The following L3HYPDH variants were observed in gnomAD, a reference collection of about 807,000 sequenced individuals.
L3HYPDH encodes the protein trans-3-hydroxy-L-proline dehydratase.
Under a neutral mutation model 26.5 loss-of-function variants are expected in L3HYPDH, and 32 were observed. The observed-to-expected ratio is 1.21, with a 90% CI of 0.91 to 1.62. The LOEUF (loss-of-function observed/expected upper bound fraction) is 1.62. Ranked by LOEUF, L3HYPDH falls within the 40% of genes most tolerant of loss-of-function variation. The pLI, the probability that L3HYPDH is intolerant of heterozygous loss-of-function variation, is 0.00. For synonymous variants in L3HYPDH, 215 were observed against 196.6 expected (o/e 1.09, Z -0.78); for missense variants, 554 against 476.4 (o/e 1.16, Z -1.52).
upstream of L3HYPDH, chr14:59,484,983 A>G: frequency 6.4e-7 from 1 of 1,573,504 alleles, no homozygotes; most frequent in Non-Finnish European, 8.5e-7. Flanking sequence ...TTCAACCTCA[A>G]ACGTAGATTT....
the L3HYPDH span, chr14:59,498,925 A>C: frequency 2.7e-6 from 4 of 1,474,472 alleles, no homozygotes; most frequent in Non-Finnish European, 3.7e-6. Context: ...TTGATGGGTA[A>C]AGTCAATGAA....
At chr14:59,480,914 G>A (rs1402282473) in intron 1 of L3HYPDH, among the ~76,000 whole-genome samples, 1 of 152,260 alleles carries the variant, frequency 6.6e-6, no homozygotes, top group Admixed American at 6.5e-5. Context: ...GTGAAGATCA[G>A]CACTTACCAG....
At chr14:59,496,107 T>C in the L3HYPDH span, among the ~76,000 whole-genome samples, 25 of 152,300 alleles carry the variant, frequency 1.6e-4, no homozygotes, top group South Asian at 5.2e-3. Context: ...GGTTTTGCCA[T>C]GTTGGCCAGG....
At chr14:59,502,750 A>ATTTTTGTTTTTTTTTTTTTGTTTTTG in the L3HYPDH span, among the ~76,000 whole-genome samples, 1 of 4,918 alleles carries the variant, frequency 2.0e-4, no homozygotes, top group African/African-American at 3.4e-4. Context: ...ATAAAATGAG[A>ATTTTTGTTTTTTTTTTTTTGTTTTTG]TTTTTTTTTT....
chr14:59,471,791 T>C (rs1473984494), downstream of L3HYPDH, among the ~76,000 whole-genome samples: 1 of 152,220 alleles, frequency 6.6e-6, no homozygotes, highest in African/African-American at 2.4e-5. Flanking sequence ...TTAAAAAGTA[T>C]AGCAAATCTG....
At chr14:59,484,977 AC>A, upstream of L3HYPDH, 1 of 1,565,970 alleles carries the variant, frequency 6.4e-7, no homozygotes. Context: ...TACTGCTTCA[AC>A]CTCAAACGTA....
downstream of L3HYPDH, among the ~76,000 whole-genome samples, chr14:59,472,069 T>C (rs1432581212): frequency 6.6e-6 from 1 of 152,204 alleles, no homozygotes; most frequent in Admixed American, 6.5e-5. Context: ...TAAAATACTA[T>C]TACCTATCTC....
At chr14:59,503,841 C>T in the L3HYPDH span, 1 of 1,566,828 alleles carries the variant, frequency 6.4e-7, no homozygotes, top group African/African-American at 1.4e-5. Context: ...CTTTCTTTTA[C>T]AAAATTATAT....
downstream of L3HYPDH, among the ~76,000 whole-genome samples, chr14:59,472,354 G>A (rs1372717779): frequency 6.6e-6 from 1 of 152,132 alleles, no homozygotes; most frequent in Non-Finnish European, 1.5e-5. Context: ...GCAAAAGTCT[G>A]ATTACTAGTT....
chr14:59,495,177 A>G, the L3HYPDH span: 1 of 1,613,794 alleles, frequency 6.2e-7, no homozygotes, highest in Non-Finnish European at 8.5e-7. Flanking sequence ...ACCCAAGTCC[A>G]GATTACGTTA....
chr14:59,485,207 T>A, upstream of L3HYPDH: 10 of 1,400,134 alleles, frequency 7.1e-6, no homozygotes, highest in South Asian at 1.2e-4. Context: ...GATATTCACG[T>A]GTATTTATTA....
downstream of L3HYPDH, among the ~76,000 whole-genome samples, chr14:59,467,896 A>G (rs1441551379): frequency 6.6e-6 from 1 of 152,170 alleles, no homozygotes; most frequent in Admixed American, 6.5e-5. Flanking sequence ...CAATTCATCA[A>G]CCAAGACCTA....
In L3HYPDH at chr14:59,479,294, C is replaced by T; in HGVS notation, c.566G>A (p.Gly189Asp). ...GKVMVDIAYG[G>D]AFYAFVTAEK... ...AGCAGTAACAAATGCATAAAATGCA[C>T]CGCCATATGCAATGTCCACCATCAC... is the stretch of plus-strand genomic sequence containing the variant. Residue 189 changes from glycine to aspartate, a missense_variant, in exon 2 of 5, where the codon GGT becomes GAT. Coordinates refer to ENST00000247194, the MANE Select transcript of L3HYPDH (RefSeq NM_144581.2). 1 of 1,613,332 alleles carries T rather than the reference C, an allele frequency of 6.2e-7. No individual in the cohort carries two copies.
At chr14:59,492,161 A>T in the L3HYPDH span, among the ~76,000 whole-genome samples, 1 of 152,212 alleles carries the variant, frequency 6.6e-6, no homozygotes, top group Admixed American at 6.5e-5. Flanking sequence ...TGTAGTCACA[A>T]GCTGTCCATA....
chr14:59,484,056 G>A lies in L3HYPDH; in HGVS notation c.261C>T (p.Asp87=), dbSNP rs1247681294. ...GCAGGAACAGGACGCCCAGATGCGC[G>A]TCCGGCAGCTCGCTCGGGACTAGGA... ...GAVLVPSELP[D]AHLGVLFLHN... Residue 87 remains aspartate (D), a synonymous_variant, in exon 1 of 5, where the codon GAC becomes GAT. Transcript: ENST00000247194. 3 of 1,606,816 alleles carry A rather than the reference G, an allele frequency of 1.9e-6. No homozygotes were observed. The highest frequency in any genetic ancestry group is 2.5e-6 in the Non-Finnish European group (3 of 1,179,604).
intron 1 of L3HYPDH, among the ~76,000 whole-genome samples, chr14:59,465,640 T>C (rs898525134): frequency 6.6e-6 from 1 of 152,066 alleles, no homozygotes; most frequent in Admixed American, 6.5e-5. Flanking sequence ...AGGGTACAAA[T>C]GTTCTACAGG....
the L3HYPDH span, chr14:59,501,290 G>C: frequency 7.0e-7 from 1 of 1,434,796 alleles, no homozygotes. Context: ...TTTTTCCTTT[G>C]TTAAAGACTT....
At chr14:59,475,718 C>A in intron 4 of L3HYPDH, 151 bp downstream of exon 4, 3 of 830,566 alleles carry the variant, frequency 3.6e-6, no homozygotes, top group Non-Finnish European at 5.6e-6. Flanking sequence ...CACTGGATAA[C>A]CAATGTCCTA....
upstream of L3HYPDH, chr14:59,485,360 A>G (rs964220611): frequency 2.4e-6 from 1 of 409,914 alleles, no homozygotes; most frequent in Non-Finnish European, 4.2e-6. Context: ...AGCGCCCATT[A>G]AAGAGGCCAG....
Sources: allele counts gnomAD v4.1 joint callset (sites outside exome capture counted in the v4.1 genomes callset), GRCh38; gene constraint gnomAD v4.1.1; transcripts MANE v1.5; gene names NCBI Gene and HGNC (gene_info 2026-07-23, HGNC 2026-07-21).